ZDHHC6: variants seen among roughly 807,000 people sequenced by gnomAD.
The protein encoded by ZDHHC6 is palmitoyltransferase ZDHHC6.
A neutral mutation model predicts 57.8 loss-of-function variants in ZDHHC6; 32 were observed. The observed-to-expected ratio is 0.55, with a 90% CI of 0.42 to 0.74. The LOEUF is 0.74. Ranked by LOEUF, ZDHHC6 falls within the 30% of genes least tolerant of loss-of-function variation. The pLI, the probability that ZDHHC6 is intolerant of heterozygous loss-of-function variation, is 0.00. For missense variants in ZDHHC6, 433 were observed against 500.7 expected, an observed-to-expected ratio of 0.86 and a Z score of 1.29; for synonymous variants, 128 against 158.0, an observed-to-expected ratio of 0.81 and a Z score of 1.42.
rs1331555644 is a variant in ZDHHC6 at position 112,432,417 on chromosome 10, C to G, written c.1050G>C (p.Gln350His). 1.9e-6 allele frequency: 3 copies of G among 1,614,090 alleles called. No individual in the cohort carries two copies. Among genetic ancestry groups the G allele is most frequent in the East Asian group, 2.2e-5 (1 of 44,878 alleles). The change falls in exon 9 of 11, where the codon CAG (glutamine) becomes CAC (histidine). Residue 350 changes from glutamine to histidine, a missense_variant. Coordinates refer to ENST00000369405, the MANE Select transcript of ZDHHC6 (RefSeq NM_022494.3). ...TSPCTEEPRI[Q>H]LQKGEFILAT... ...CTAAAATGAATTCCCCTTTTTGCAGCTGTATTCGAGGCTCTTCGGTGCAGG... is the reference window on the plus strand; with the variant it reads ...CTAAAATGAATTCCCCTTTTTGCAGGTGTATTCGAGGCTCTTCGGTGCAGG...
chr10:112,446,939 T>C, upstream of ZDHHC6: 1 of 220,716 alleles, frequency 4.5e-6, no homozygotes, highest in Non-Finnish European at 9.4e-6. Flanking sequence ...CTGCGCAGTC[T>C]CTGTTACTGT....
intron 2 of ZDHHC6, among the ~76,000 whole-genome samples, chr10:112,444,568 T>C (rs1846456699): frequency 6.6e-6 from 1 of 152,220 alleles, no homozygotes; most frequent in Admixed American, 6.5e-5. Context: ...CTGGGCACTT[T>C]ATTAAAATAA....
Position 112,440,650 on chromosome 10 carries a change from G to C in ZDHHC6, c.565C>G (p.Arg189Gly), listed in dbSNP as rs112381350. ...GGAACAATTGGAAGAGGATCTCTCCGGGCTGCACTCATGTCGATCTTCACT... is the reference window on the plus strand; with the variant it reads ...GGAACAATTGGAAGAGGATCTCTCCCGGCTGCACTCATGTCGATCTTCACT... ...NTVKIDMSAA[R>G]RDPLPIVPFG... Residue 189 changes from arginine to glycine, a missense_variant, in exon 5 of 11, where the codon CGG becomes GGG. Coordinates refer to ENST00000369405, the MANE Select transcript of ZDHHC6 (RefSeq NM_022494.3). 4.3e-6 allele frequency: 7 copies of C among 1,613,712 alleles called. No individual in the cohort carries two copies. Among genetic ancestry groups the C allele is most frequent in the Non-Finnish European group, 5.1e-6 (6 of 1,179,862 alleles).
In ZDHHC6 at chr10:112,434,355, G is replaced by A. The variant is rs750576948; in HGVS notation, c.845C>T (p.Pro282Leu). Reference protein sequence around the residue: ...FKQVFTWSGVPEGDGLEWPVR... With the variant: ...FKQVFTWSGVLEGDGLEWPVR... ...TGGCCACTCAAGTCCATCTCCTTCA[G>A]GGACCCCTGACCACGTAAATACCTG... The change falls in exon 7 of 11, where the codon CCT (proline) becomes CTT (leucine). Residue 282 changes from proline to leucine, a missense_variant. Pro to Leu is a moderately conservative substitution (Grantham distance 98). Coordinates refer to ENST00000369405, the MANE Select transcript of ZDHHC6 (RefSeq NM_022494.3). 3.1e-6 allele frequency: 5 copies of A among 1,613,576 alleles called. No homozygotes were observed. The African/African-American group carries it at 5.3e-5, about 17-fold the overall frequency.
At chr10:112,446,582 C>T (rs1846766433) in intron 1 of ZDHHC6, 123 bp downstream of exon 1, 2 of 152,176 alleles carry the variant, frequency 1.3e-5, no homozygotes, top group African/African-American at 4.8e-5. Context: ...GAAATAAATC[C>T]TCACCCAAGG....
rs1846575156 is a variant in ZDHHC6, at chr10:112,445,499, C to T, written c.-63G>A. 6.5e-6 allele frequency: 10 copies of T among 1,547,874 alleles called. No homozygotes were observed. Among genetic ancestry groups the T allele is most frequent in the Non-Finnish European group, 8.8e-6 (10 of 1,140,486 alleles). ...TATAGATTTCCTTTTTCTGTGCGCA[C>T]ATTTCCATGTGCCACAAGTCCATGT... On this transcript the variant is annotated 5_prime_UTR_variant, in exon 2 of 11. It adds an upstream start codon to the 5' untranslated region. Coordinates refer to ENST00000369405, the MANE Select transcript of ZDHHC6 (RefSeq NM_022494.3).
At chr10:112,438,007 G>A (rs1845708659) in intron 6 of ZDHHC6, among the ~76,000 whole-genome samples, 1 of 152,160 alleles carries the variant, frequency 6.6e-6, no homozygotes, top group South Asian at 2.1e-4. Flanking sequence ...TTGGTAGGGT[G>A]GAAGCTCCTT....
At chr10:112,428,782 AC>A (rs1844839261), downstream of ZDHHC6, among the ~76,000 whole-genome samples, 2 of 142,982 alleles carry the variant, frequency 1.4e-5, no homozygotes, top group Admixed American at 1.4e-4. Context: ...AAAAAAAAAA[AC>A]AAAAACAAAA....
chr10:112,426,735 C>T, downstream of ZDHHC6: 1 of 1,527,294 alleles, frequency 6.5e-7, no homozygotes. Context: ...TCATGCTTAG[C>T]CCTTCAGGCT....
chr10:112,425,045 G>A, exon 12 of ZDHHC6: 1 of 233,878 alleles, frequency 4.3e-6, no homozygotes. Context: ...ATTGAGAGCT[G>A]TGCAATTTCT....
chr10:112,441,413 T>C (rs918636518), intron 4 of ZDHHC6, among the ~76,000 whole-genome samples: 6 of 152,220 alleles, frequency 3.9e-5, no homozygotes, highest in Non-Finnish European at 8.8e-5. Context: ...GTTTTACAAA[T>C]GGTGATGAAG....
At chr10:112,440,921 C>T (rs764319994) in intron 4 of ZDHHC6, among the ~76,000 whole-genome samples, 1 of 152,242 alleles carries the variant, frequency 6.6e-6, no homozygotes, top group Non-Finnish European at 1.5e-5. Flanking sequence ...TCTCGACTCA[C>T]TGCAACCTCC....
chr10:112,447,034 AGAACACG>A, upstream of ZDHHC6: 1 of 300,126 alleles, frequency 3.3e-6, no homozygotes, highest in Non-Finnish European at 6.6e-6. Context: ...GCCGATTCCC[AGAACACG>A]AAGGGGGGAA....
chr10:112,435,562 C>G (rs1302899977), intron 6 of ZDHHC6, among the ~76,000 whole-genome samples: 1 of 152,122 alleles, frequency 6.6e-6, no homozygotes, highest in African/African-American at 2.4e-5. Flanking sequence ...ATTTGATTAT[C>G]AGGGGACAAT....
chr10:112,436,474 G>A (rs1445583276), intron 6 of ZDHHC6, among the ~76,000 whole-genome samples: 3 of 152,090 alleles, frequency 2.0e-5, no homozygotes, highest in Non-Finnish European at 4.4e-5. Context: ...AGACTCCGTC[G>A]CCAGAAAACA....
chr10:112,426,462 A>C, downstream of ZDHHC6: 1 of 939,892 alleles, frequency 1.1e-6, no homozygotes. Context: ...TGCAGCCCAA[A>C]CAGACTGAAT....
In ZDHHC6 at chr10:112,432,382, C is replaced by G. The variant is rs1453568459; in HGVS notation, c.1085G>C (p.Gly362Ala). The G allele has an allele frequency of 1.2e-6, 2 of 1,614,106 alleles. No individual in the cohort carries two copies. The highest frequency in any genetic ancestry group is 1.7e-5 in the Admixed American group (1 of 60,012). ...AGTACTTCCTATTACTTACCGTAAA[C>G]CTCTTGTGGCTAAAATGAATTCCCC... is the stretch of plus-strand genomic sequence containing the variant. ...QKGEFILATRGLRYWLYGDKI... is the reference protein window; with the variant it reads ...QKGEFILATRALRYWLYGDKI... Residue 362 changes from glycine (G) to alanine (A), a missense_variant, in exon 9 of 11, where the codon GGT becomes GCT. Transcript: ENST00000369405.
intron 6 of ZDHHC6, among the ~76,000 whole-genome samples, chr10:112,435,143 T>C (rs1376730078): frequency 6.6e-6 from 1 of 152,256 alleles, no homozygotes; most frequent in Non-Finnish European, 1.5e-5. Context: ...TCAGCTTGCA[T>C]ATATTCCAGG....
chr10:112,434,406 A>T lies in ZDHHC6; in HGVS notation c.794T>A (p.Met265Lys), dbSNP rs769262749. Reference sequence around the variant, plus strand: ...TTTAAAGTTCCTCCATCTACTTCCCATATCATATGGAAAAACAAAGACTTC... The same window carrying T: ...TTTAAAGTTCCTCCATCTACTTCCCTTATCATATGGAAAAACAAAGACTTC... ...LDEVFVFPYD[M>K]GSRWRNFKQV... The change falls in exon 7 of 11, where the codon ATG becomes AAG. Residue 265 changes from methionine to lysine, a missense_variant. Met to Lys is a moderately conservative substitution (Grantham distance 95). Transcript: ENST00000369405. 11 of 1,613,980 alleles carry T rather than the reference A, an allele frequency of 6.8e-6. No individual in the cohort carries two copies. The highest frequency in any genetic ancestry group is 8.5e-6 in the Non-Finnish European group (10 of 1,179,884).
Sources: allele counts gnomAD v4.1 joint callset (sites outside exome capture counted in the v4.1 genomes callset), GRCh38; gene constraint gnomAD v4.1.1; transcripts MANE v1.5; gene names NCBI Gene and HGNC (gene_info 2026-07-23, HGNC 2026-07-21).